The following COL24A1 variants were observed in gnomAD, a reference collection of about 807,000 sequenced individuals.
COL24A1 encodes collagen alpha-1(XXIV) chain.
Under a neutral mutation model 253.9 loss-of-function variants are expected in COL24A1, and 224 were observed. The ratio of observed to expected loss-of-function variants is 0.88; its 90% CI spans 0.79 to 0.99. COL24A1 has a LOEUF of 0.99. COL24A1 is among the 50% of genes least tolerant of loss of function. The probability of loss-of-function intolerance (pLI) is 0.00; values close to 1 mark genes in which losing one functional copy is unlikely to be tolerated. For missense variants in COL24A1, 2,131 were observed against 2,068.5 expected (o/e 1.03, Z -0.59); for synonymous variants, 685 against 673.7 (o/e 1.02, Z -0.26).
rs1183809261 is a variant in COL24A1 at position 86,059,607 on chromosome 1, TTCC to T, written c.1753-436_1753-434del. Among the ~76,000 whole-genome samples the T allele has an allele frequency of 1.9e-4, 29 of 152,276 alleles. No homozygotes were observed. In the East Asian group the frequency reaches 5.0e-3, roughly 26 times the overall value. ...AACCACAAAACCAACCTCTACTTCT[TTCC>T]TAAAGTAAACTTAACCTTACAGTGA... is the stretch of plus-strand genomic sequence containing the variant. On this transcript the variant is annotated intron_variant, in intron 8 of 59. Transcript: ENST00000370571.
intron 7 of COL24A1, among the ~76,000 whole-genome samples, chr1:86,083,467 T>C (rs1702827728): frequency 6.6e-6 from 1 of 152,044 alleles, no homozygotes; most frequent in South Asian, 2.1e-4. Flanking sequence ...CTAAAACAAC[T>C]GCAGAATTTT....
intron 2 of COL24A1, among the ~76,000 whole-genome samples, chr1:86,144,449 G>C (rs1396535440): frequency 1.3e-5 from 2 of 152,014 alleles, no homozygotes; most frequent in Admixed American, 1.3e-4. Flanking sequence ...AAAGAGTTTT[G>C]TCTTCAGAGA....
At chr1:85,872,296 T>A (rs1035539779) in intron 35 of COL24A1, among the ~76,000 whole-genome samples, 1 of 151,910 alleles carries the variant, frequency 6.6e-6, no homozygotes, top group Non-Finnish European at 1.5e-5. Flanking sequence ...TTCAATACCA[T>A]CCCCATCAAG....
chr1:85,821,861 C>A (rs546412829), intron 45 of COL24A1, among the ~76,000 whole-genome samples: 3 of 152,276 alleles, frequency 2.0e-5, no homozygotes, highest in Admixed American at 2.0e-4. Flanking sequence ...AAATGTCTTA[C>A]TCCTGAGACC....
At chr1:85,770,321 C>T (rs112114131) in intron 53 of COL24A1, among the ~76,000 whole-genome samples, 42 of 148,830 alleles carry the variant, frequency 2.8e-4, no homozygotes, top group African/African-American at 8.9e-4. Flanking sequence ...AAAAAAAAAT[C>T]TCAGCTGTGA....
chr1:86,126,567 G>A (rs2102276594), intron 2 of COL24A1, among the ~76,000 whole-genome samples: 1 of 151,970 alleles, frequency 6.6e-6, no homozygotes, highest in African/African-American at 2.4e-5. Context: ...TGATATCCGG[G>A]GCTCAAAGGA....
intron 38 of COL24A1, among the ~76,000 whole-genome samples, chr1:85,848,756 A>G (rs561110523): frequency 1.3e-5 from 2 of 152,376 alleles, no homozygotes; most frequent in Non-Finnish European, 2.9e-5. Flanking sequence ...ACAGTTGGAC[A>G]GGAAATTTTT....
intron 24 of COL24A1, among the ~76,000 whole-genome samples, chr1:85,951,535 A>G (rs1355951459): frequency 6.6e-6 from 1 of 152,142 alleles, no homozygotes; most frequent in East Asian, 1.9e-4. Flanking sequence ...CATAGGGAGT[A>G]AGTTGGAAAG....
At chr1:85,819,602 A>G (rs1215400178) in intron 45 of COL24A1, among the ~76,000 whole-genome samples, 3 of 152,158 alleles carry the variant, frequency 2.0e-5, no homozygotes, top group East Asian at 1.9e-4. Flanking sequence ...TTAAAAGTCT[A>G]TCTTTGAGTT....
At chr1:85,850,290 T>A (rs555031976) in intron 37 of COL24A1, among the ~76,000 whole-genome samples, 19 of 152,262 alleles carry the variant, frequency 1.2e-4, no homozygotes, top group Non-Finnish European at 2.4e-4. Flanking sequence ...AAAATAGAAA[T>A]CTCAAATTTG....
At chr1:86,050,463 T>C (rs1700222645) in intron 10 of COL24A1, among the ~76,000 whole-genome samples, 1 of 152,070 alleles carries the variant, frequency 6.6e-6, no homozygotes, top group South Asian at 2.1e-4. Context: ...ATGTATATGA[T>C]TAGCTAAAAT....
intron 24 of COL24A1, among the ~76,000 whole-genome samples, chr1:85,912,189 A>G (rs1308583085): frequency 6.6e-6 from 1 of 152,140 alleles, no homozygotes; most frequent in Non-Finnish European, 1.5e-5. Context: ...TATTCTAGGT[A>G]GAGTAAATAG....
intron 37 of COL24A1, among the ~76,000 whole-genome samples, chr1:85,851,929 T>C (rs1677813462): frequency 6.6e-6 from 1 of 152,230 alleles, no homozygotes; most frequent in African/African-American, 2.4e-5. Context: ...TCAAAGTCAT[T>C]AATATTTTCT....
chr1:86,003,667 C>A (rs572168278), intron 19 of COL24A1, among the ~76,000 whole-genome samples: 48 of 151,334 alleles, frequency 3.2e-4, no homozygotes, highest in African/African-American at 1.2e-3. Flanking sequence ...GATCTGTGAG[C>A]AGTGTACCAG....
intron 19 of COL24A1, among the ~76,000 whole-genome samples, chr1:85,993,070 C>G (rs1694439934): frequency 6.6e-6 from 1 of 151,878 alleles, no homozygotes; most frequent in Admixed American, 6.6e-5. Flanking sequence ...GACTAATTCA[C>G]ATGCATTTTT....
chr1:86,153,611 A>T (rs1327125573), intron 1 of COL24A1, among the ~76,000 whole-genome samples: 2 of 152,218 alleles, frequency 1.3e-5, no homozygotes, highest in African/African-American at 4.8e-5. Context: ...TTCACAAATT[A>T]CCAAGTAGAA....
In COL24A1 at chr1:85,847,726, C is replaced by T. The variant is rs1359386619; in HGVS notation, c.3401G>A (p.Gly1134Asp). 1.9e-6 allele frequency: 3 copies of T among 1,613,746 alleles called. No homozygotes were observed. The Admixed American group carries it at 5.0e-5, about 27-fold the overall frequency. The change falls in exon 39 of 60, where the codon GGT (glycine) becomes GAT (aspartate). Residue 1134 changes from glycine (G) to aspartate (D), a missense_variant. Coordinates refer to ENST00000370571, the MANE Select transcript of COL24A1 (RefSeq NM_152890.7). The stretch of plus-strand genomic sequence containing the variant: ...ACTTTTCCCAATTTTTCCAGGAGGA[C>T]CTCTGCTTCCAACTTCTCCTGTGGG... ...IGPTGEVGSR[G>D]PPGKIGKSGP...
rs1436852453 is a variant in COL24A1, at chr1:85,929,827, A to G, written c.2563-18394T>C. 2.0e-5 allele frequency among the ~76,000 whole-genome samples: 3 copies of G among 151,432 alleles called. No homozygotes were observed. The East Asian group carries it at 5.8e-4, about 29-fold the overall frequency. On this transcript the variant is annotated intron_variant, in intron 24 of 59. Transcript: ENST00000370571. ...TGGAAACTGAACAACCTGTACCTGA[A>G]TGACTACTGGGTACATAACGAAATG... is the stretch of plus-strand genomic sequence containing the variant.
intron 19 of COL24A1, among the ~76,000 whole-genome samples, chr1:86,015,544 A>T (rs1341679345): frequency 6.6e-6 from 1 of 152,214 alleles, no homozygotes; most frequent in East Asian, 1.9e-4. Flanking sequence ...CAAGGAGGTA[A>T]CATAGCCATT....
Sources: gnomAD v4.1 joint callset for allele counts (sites outside exome capture counted in the v4.1 genomes callset) on GRCh38, gnomAD v4.1.1 for gene constraint, MANE v1.5 for transcripts, NCBI Gene and HGNC (gene_info 2026-07-23, HGNC 2026-07-21) for gene names.